GALNTL6: variants seen among roughly 807,000 people sequenced by gnomAD.
GALNTL6 encodes polypeptide N-acetylgalactosaminyltransferase-like 6.
GALNTL6 carries 46 observed loss-of-function variants against 73.7 expected under a neutral mutation model. That is an observed-to-expected ratio of 0.62 (90% CI 0.49 to 0.80). GALNTL6 has a LOEUF of 0.80. GALNTL6 is among the 30% of genes least tolerant of loss of function. GALNTL6 has a pLI of 0.00. For synonymous variants in GALNTL6, 259 were observed against 263.7 expected (o/e 0.98, Z 0.17); for missense variants, 604 against 755.0 (o/e 0.80, Z 2.34).
At position 172,108,668 on chromosome 4, in the gene GALNTL6, C is replaced by T. The variant is rs571442646; in HGVS notation, c.139-120988C>T. 1.6e-4 allele frequency among the ~76,000 whole-genome samples: 25 copies of T among 152,132 alleles called. No individual in the cohort carries two copies. The South Asian group carries it at 4.2e-3, about 25-fold the overall frequency. ...GTACCTTGTGGTTCGATCAAGTTGA[C>T]ACATAAAATTAACCATTACAAGTAT... On this transcript the variant is annotated intron_variant, in intron 2 of 12. Transcript: ENST00000506823.
At chr4:172,642,507 T>C (rs1020693654) in intron 5 of GALNTL6, among the ~76,000 whole-genome samples, 10 of 152,008 alleles carry the variant, frequency 6.6e-5, no homozygotes, top group African/African-American at 2.2e-4. Context: ...ATCTCACTTA[T>C]GTGGAATCTT....
At chr4:172,078,423 A>T (rs901816188) in intron 2 of GALNTL6, among the ~76,000 whole-genome samples, 6 of 152,146 alleles carry the variant, frequency 3.9e-5, no homozygotes, top group Non-Finnish European at 8.8e-5. Context: ...CTGTGAGTCA[A>T]TTAAACCTTT....
intron 5 of GALNTL6, among the ~76,000 whole-genome samples, chr4:172,353,283 G>T (rs1742001751): frequency 6.6e-6 from 1 of 152,090 alleles, no homozygotes; most frequent in Non-Finnish European, 1.5e-5. Context: ...TCTAGCCTGG[G>T]TGTCAGAGCA....
chr4:172,543,453 C>T (rs191945277), intron 5 of GALNTL6, among the ~76,000 whole-genome samples: 1 of 152,184 alleles, frequency 6.6e-6, no homozygotes, highest in East Asian at 1.9e-4. Context: ...AAGATAGGGG[C>T]GCTGTCTTCC....
rs1161315447 is a variant in GALNTL6, at chr4:173,041,133, G to A, written c.*1033G>A. 1 of 151,808 alleles carries A rather than the reference G, an allele frequency of 6.6e-6. No homozygotes were observed. The highest frequency in any genetic ancestry group is 1.9e-4 in the East Asian group (1 of 5,186). The allele number at this position is 151,808 out of a possible 1,614,324, so 9.4% of individuals were successfully genotyped here. ...TTCACTTCAATTCTGTTTAGTCAGTGGTGGGAGCTTAGAAGTGGTTTTATT... is the reference window on the plus strand; with the variant it reads ...TTCACTTCAATTCTGTTTAGTCAGTAGTGGGAGCTTAGAAGTGGTTTTATT... On this transcript the variant is annotated 3_prime_UTR_variant, in exon 13 of 13. Coordinates refer to ENST00000506823, the MANE Select transcript of GALNTL6 (RefSeq NM_001034845.3).
At chr4:172,456,447 A>C (rs962731609) in intron 5 of GALNTL6, among the ~76,000 whole-genome samples, 6 of 151,786 alleles carry the variant, frequency 4.0e-5, no homozygotes, top group African/African-American at 1.5e-4. Context: ...GGAAGCTAAA[A>C]CCTTGAAAAA....
intron 2 of GALNTL6, among the ~76,000 whole-genome samples, chr4:171,843,283 A>G (rs1735288984): frequency 1.3e-5 from 2 of 152,120 alleles, no homozygotes; most frequent in African/African-American, 2.4e-5. Flanking sequence ...ACAAACATAA[A>G]AAAATGACTA....
At chr4:171,814,880 A>T in intron 2 of GALNTL6, 162 bp downstream of exon 2, 1 of 643,360 alleles carries the variant, frequency 1.6e-6, no homozygotes, top group South Asian at 1.9e-5. Flanking sequence ...AAGCAAGTAG[A>T]TGTTTTAAGA....
At chr4:172,820,285 T>C (rs948457388) in intron 7 of GALNTL6, among the ~76,000 whole-genome samples, 8 of 152,212 alleles carry the variant, frequency 5.3e-5, no homozygotes, top group African/African-American at 2.4e-5. Context: ...AATAAACTAT[T>C]AGCTTTTATC....
chr4:171,834,955 A>C (rs912645310), intron 2 of GALNTL6, among the ~76,000 whole-genome samples: 1 of 152,006 alleles, frequency 6.6e-6, no homozygotes. Flanking sequence ...AAGCCACAAT[A>C]TTTCATAGTA....
At chr4:172,040,231 TA>T (rs1206162728) in intron 2 of GALNTL6, among the ~76,000 whole-genome samples, 11 of 152,186 alleles carry the variant, frequency 7.2e-5, no homozygotes, top group Middle Eastern at 3.4e-3. Flanking sequence ...TGTGTATCAA[TA>T]ACCAACAATT....
At chr4:172,257,727 AT>A (rs146258411) in intron 3 of GALNTL6, among the ~76,000 whole-genome samples, 1,842 of 151,364 alleles carry the variant, frequency 0.012, 34 homozygotes, top group African/African-American at 0.042. Context: ...AAAAAAGGAA[AT>A]TAGGTCTTTC....
intron 5 of GALNTL6, among the ~76,000 whole-genome samples, chr4:172,491,488 G>T (rs1047195741): frequency 6.6e-6 from 1 of 152,034 alleles, no homozygotes; most frequent in Admixed American, 6.6e-5. Flanking sequence ...GTTCTGGCTC[G>T]TATTGACAAT....
intron 2 of GALNTL6, among the ~76,000 whole-genome samples, chr4:172,145,937 GA>G (rs781544034): frequency 3.3e-5 from 5 of 152,256 alleles, no homozygotes; most frequent in Admixed American, 1.3e-4. Context: ...GTTGAACAAA[GA>G]GAGGCAATTT....
At chr4:172,566,872 A>G (rs1277150666) in intron 5 of GALNTL6, among the ~76,000 whole-genome samples, 1 of 152,100 alleles carries the variant, frequency 6.6e-6, no homozygotes, top group Non-Finnish European at 1.5e-5. Flanking sequence ...ATCATAAGAG[A>G]CCATTATGCA....
chr4:172,234,969 A>T (rs140349723), intron 3 of GALNTL6, among the ~76,000 whole-genome samples: 1 of 152,068 alleles, frequency 6.6e-6, no homozygotes, highest in Non-Finnish European at 1.5e-5. Flanking sequence ...CTAACGTTTT[A>T]TGTAGTTACA....
At chr4:171,930,174 C>G (rs553266444) in intron 2 of GALNTL6, among the ~76,000 whole-genome samples, 37 of 152,352 alleles carry the variant, frequency 2.4e-4, no homozygotes, top group African/African-American at 8.7e-4. Context: ...GGAGAGCACA[C>G]GCGACAGCCT....
At chr4:172,998,432 A>G (rs1394536489) in intron 10 of GALNTL6, among the ~76,000 whole-genome samples, 1 of 152,158 alleles carries the variant, frequency 6.6e-6, no homozygotes, top group Non-Finnish European at 1.5e-5. Flanking sequence ...TCTATTCTCA[A>G]ATATCCCTAT....
chr4:172,767,956 C>T (rs1042507594), intron 5 of GALNTL6, among the ~76,000 whole-genome samples: 4 of 152,132 alleles, frequency 2.6e-5, no homozygotes, highest in Admixed American at 2.0e-4. Flanking sequence ...GCGTGAGCCA[C>T]TGCGCCTGGC....
Sources: allele counts gnomAD v4.1 joint callset (sites outside exome capture counted in the v4.1 genomes callset), GRCh38; gene constraint gnomAD v4.1.1; transcripts MANE v1.5; gene names NCBI Gene and HGNC (gene_info 2026-07-23, HGNC 2026-07-21).